The following ZEB2 variants were observed in gnomAD, a reference collection of about 807,000 sequenced individuals.
ZEB2 encodes zinc finger E-box binding homeobox 2.
ZEB2 carries 6 observed loss-of-function variants against 99.9 expected under a neutral mutation model. The ratio of observed to expected loss-of-function variants is 0.06; its 90% CI spans 0.03 to 0.12. The LOEUF (loss-of-function observed/expected upper bound fraction) is 0.12. Ranked by LOEUF, ZEB2 falls within the 10% of genes least tolerant of loss-of-function variation. ZEB2 has a pLI of 1.00. For synonymous variants in ZEB2, 517 were observed against 542.5 expected (o/e 0.95, Z 0.65); for missense variants, 969 against 1,502.8 (o/e 0.64, Z 5.87).
At chr2:144,420,738 G>C (rs1260451206) in intron 4 of ZEB2, among the ~76,000 whole-genome samples, 1 of 152,130 alleles carries the variant, frequency 6.6e-6, no homozygotes, top group African/African-American at 2.4e-5. Context: ...TTGGATGACT[G>C]GAAGAAAGGA....
At chr2:144,441,727 T>C (rs561191785) in intron 2 of ZEB2, among the ~76,000 whole-genome samples, 26 of 152,300 alleles carry the variant, frequency 1.7e-4, no homozygotes, top group African/African-American at 6.0e-4. Flanking sequence ...TTTTTCTCTG[T>C]TAGCTTCTTT....
At chr2:144,409,388 A>AGCTGAAAG (rs1235510196) in intron 4 of ZEB2, among the ~76,000 whole-genome samples, 1 of 152,188 alleles carries the variant, frequency 6.6e-6, no homozygotes, top group Non-Finnish European at 1.5e-5. Flanking sequence ...GTACAAAAGT[A>AGCTGAAAG]GCTGAAAGGT....
chr2:144,405,636 G>A (rs537817569), intron 4 of ZEB2, among the ~76,000 whole-genome samples: 7 of 151,818 alleles, frequency 4.6e-5, no homozygotes, highest in Non-Finnish European at 1.0e-4. Flanking sequence ...CCAGAATGTG[G>A]CATTTTATCT....
At chr2:144,497,993 TTA>T (rs1444441253) in intron 2 of ZEB2, among the ~76,000 whole-genome samples, 1 of 2,168 alleles carries the variant, frequency 4.6e-4, no homozygotes, top group Non-Finnish European at 9.7e-4. Context: ...TATATTAATA[TTA>T]TATATTATAT....
chr2:144,477,332 A>G (rs192133720), intron 2 of ZEB2, among the ~76,000 whole-genome samples: 5 of 152,372 alleles, frequency 3.3e-5, no homozygotes, highest in South Asian at 2.1e-4. Context: ...TCCTTTGTTA[A>G]AAGTAAAACT....
chr2:144,419,378 C>T (rs909210252), intron 4 of ZEB2, among the ~76,000 whole-genome samples: 19 of 152,146 alleles, frequency 1.2e-4, no homozygotes, highest in African/African-American at 4.3e-4. Flanking sequence ...GTACCTCTTC[C>T]CCCTCTTAGC....
chr2:144,411,606 T>C (rs1703465815), intron 4 of ZEB2, among the ~76,000 whole-genome samples: 1 of 152,138 alleles, frequency 6.6e-6, no homozygotes, highest in African/African-American at 2.4e-5. Context: ...TCGCAGAGCC[T>C]CCAGCTGGTA....
rs1703070847 is a variant in ZEB2 at position 144,385,573 on chromosome 2, A to G, written c.*3878T>C. 1 of 152,166 alleles carries G rather than the reference A, an allele frequency of 6.6e-6. No individual in the cohort carries two copies. Among genetic ancestry groups the G allele is most frequent in the South Asian group, 2.1e-4 (1 of 4,826 alleles). The allele number at this position is 152,166 out of a possible 1,614,324, so 9.4% of individuals were successfully genotyped here. On this transcript the variant is annotated 3_prime_UTR_variant, in exon 10 of 10. Transcript: ENST00000627532. ...TTTGTTTGAATGTTTTTACATGTAC[A>G]TGGGATCACATAGTCAAATAAATGC...
chr2:144,423,950 T>C (rs2149888723), intron 4 of ZEB2, among the ~76,000 whole-genome samples: 1 of 152,302 alleles, frequency 6.6e-6, no homozygotes, highest in Non-Finnish European at 1.5e-5. Flanking sequence ...GATAATTTTA[T>C]GGTGGACACT....
At chr2:144,468,046 C>T (rs1047528529) in intron 2 of ZEB2, among the ~76,000 whole-genome samples, 1 of 151,950 alleles carries the variant, frequency 6.6e-6, no homozygotes, top group African/African-American at 2.4e-5. Context: ...GTAATAGAGA[C>T]TTCAAAGGGG....
intron 2 of ZEB2, chr2:144,516,011 C>G (rs1705130922): frequency 6.6e-6 from 1 of 152,336 alleles, no homozygotes; most frequent in Non-Finnish European, 1.5e-5. Flanking sequence ...GAGGCGCGGG[C>G]TGGGGCTGCG....
intron 2 of ZEB2, among the ~76,000 whole-genome samples, chr2:144,488,303 C>G (rs1310574005): frequency 6.6e-6 from 1 of 152,156 alleles, no homozygotes; most frequent in Non-Finnish European, 1.5e-5. Flanking sequence ...AGCAAGTGAG[C>G]TAAGGAAGTA....
chr2:144,492,610 C>T (rs559169294), intron 2 of ZEB2, among the ~76,000 whole-genome samples: 1 of 152,166 alleles, frequency 6.6e-6, no homozygotes, highest in Non-Finnish European at 1.5e-5. Context: ...CTTCCGAGCA[C>T]CCACACTGCC....
chr2:144,412,368 T>C (rs949289487), intron 4 of ZEB2, among the ~76,000 whole-genome samples: 2 of 152,234 alleles, frequency 1.3e-5, no homozygotes, highest in African/African-American at 2.4e-5. Flanking sequence ...ACCAAAAAGA[T>C]AGACTAGTTT....
Position 144,387,285 on chromosome 2 carries a change from G to C in ZEB2, c.*2166C>G, listed in dbSNP as rs977685244. 1 of 151,852 alleles carries C rather than the reference G, an allele frequency of 6.6e-6. No individual in the cohort carries two copies. Among genetic ancestry groups the C allele is most frequent in the African/African-American group, 2.4e-5 (1 of 41,336 alleles). 9.4% of individuals were successfully genotyped at this position (151,852 alleles called of 1,614,324 possible). A position where few individuals can be genotyped will look rare whatever the true frequency, so the allele number is the denominator to read the frequency against. ...ATACATGGACAGCTACTATATTATA[G>C]TTCTGTATATTCAAGAGCTGTAAAT... On this transcript the variant is annotated 3_prime_UTR_variant, in exon 10 of 10. Coordinates refer to ENST00000627532, the MANE Select transcript of ZEB2 (RefSeq NM_014795.4).
chr2:144,413,453 G>C (rs1206875256), intron 4 of ZEB2, among the ~76,000 whole-genome samples: 1 of 152,132 alleles, frequency 6.6e-6, no homozygotes, highest in Non-Finnish European at 1.5e-5. Context: ...TCTTCTTGGC[G>C]TTCACTGATT....
intron 2 of ZEB2, among the ~76,000 whole-genome samples, chr2:144,479,729 A>AAACTCATT (rs1366244429): frequency 1.5e-5 from 2 of 137,452 alleles, no homozygotes; most frequent in African/African-American, 5.2e-5. Context: ...AAACATTTTT[A>AAACTCATT]AACTCATTGA....
intron 2 of ZEB2, among the ~76,000 whole-genome samples, chr2:144,460,045 A>G (rs562813049): frequency 6.6e-6 from 1 of 152,264 alleles, no homozygotes; most frequent in African/African-American, 2.4e-5. Context: ...AGGGCTGCAT[A>G]AGACAGGGTT....
intron 2 of ZEB2, chr2:144,482,090 GTT>G (rs1200715719): frequency 6.6e-6 from 1 of 152,290 alleles, no homozygotes; most frequent in East Asian, 1.9e-4. Flanking sequence ...TTGATTTGCT[GTT>G]TTCTCTTTCC....
Sources: gnomAD v4.1 joint callset for allele counts (sites outside exome capture counted in the v4.1 genomes callset) on GRCh38, gnomAD v4.1.1 for gene constraint, MANE v1.5 for transcripts, NCBI Gene and HGNC (gene_info 2026-07-23, HGNC 2026-07-21) for gene names.